SMYD3: variants seen among roughly 807,000 people sequenced by gnomAD.
The protein encoded by SMYD3 is histone-lysine N-methyltransferase SMYD3.
Under a neutral mutation model 57.7 loss-of-function variants are expected in SMYD3, and 36 were observed. The ratio of observed to expected loss-of-function variants is 0.62; its 90% CI spans 0.48 to 0.82. The LOEUF is 0.82. Ranked by LOEUF, SMYD3 falls within the 40% of genes least tolerant of loss-of-function variation. SMYD3 has a pLI of 0.00. For synonymous variants in SMYD3, 211 were observed against 195.0 expected (o/e 1.08, Z -0.68); for missense variants, 515 against 538.8 (o/e 0.96, Z 0.44).
At chr1:246,062,944 C>T (rs1232406191) in intron 5 of SMYD3, among the ~76,000 whole-genome samples, 1 of 152,184 alleles carries the variant, frequency 6.6e-6, no homozygotes, top group African/African-American at 2.4e-5. Context: ...GGAAAACTTA[C>T]AGCAGAATGC....
At chr1:245,963,805 T>A (rs998121769) in intron 5 of SMYD3, among the ~76,000 whole-genome samples, 1 of 152,106 alleles carries the variant, frequency 6.6e-6, no homozygotes, top group South Asian at 2.1e-4. Flanking sequence ...CCAACTCCAG[T>A]CCACTCTAGT....
chr1:245,995,120 C>T (rs940426019), intron 5 of SMYD3, among the ~76,000 whole-genome samples: 4 of 152,082 alleles, frequency 2.6e-5, no homozygotes, highest in Non-Finnish European at 1.5e-5. Context: ...ATCTAACCTT[C>T]GAAGAAATGG....
rs1289547131 is a variant in SMYD3, at chr1:246,335,421, T to C, written c.282A>G (p.Lys94=). 6.2e-7 allele frequency: 1 copy of C among 1,614,116 alleles called. No homozygotes were observed. The highest frequency in any genetic ancestry group is 1.1e-5 in the South Asian group (1 of 91,078). Residue 94 remains lysine (K), a synonymous_variant, in exon 3 of 12, where the codon AAA becomes AAG. Transcript: ENST00000490107. ...GAACGGAGTCTGGAGGATATCTGGG[T>C]TTGCAGCTTTTAAGGCATTTGCATT... The part of the protein sequence containing the change: ...KRECKCLKSC[K]PRYPPDSVRL...
At chr1:246,393,673 C>CT (rs1218228921) in intron 1 of SMYD3, among the ~76,000 whole-genome samples, 10 of 47,902 alleles carry the variant, frequency 2.1e-4, no homozygotes, top group African/African-American at 8.7e-4. Context: ...ACCCCCATCT[C>CT]TAAAAAAAAA....
intron 5 of SMYD3, among the ~76,000 whole-genome samples, chr1:246,204,168 C>A (rs981747111): frequency 4.6e-5 from 7 of 152,180 alleles, no homozygotes; most frequent in Non-Finnish European, 1.0e-4. Context: ...AAACTCCCCC[C>A]AAAAACTGTA....
intron 5 of SMYD3, among the ~76,000 whole-genome samples, chr1:246,164,436 A>G (rs1252355746): frequency 1.3e-5 from 2 of 152,106 alleles, no homozygotes; most frequent in African/African-American, 4.8e-5. Flanking sequence ...TAAATAAATA[A>G]ATAGATAAAT....
chr1:246,207,002 G>C (rs925694602), intron 5 of SMYD3, among the ~76,000 whole-genome samples: 1 of 152,138 alleles, frequency 6.6e-6, no homozygotes, highest in Non-Finnish European at 1.5e-5. Flanking sequence ...ACACAGTTGA[G>C]TTCCCTAAAC....
chr1:246,496,045 G>A (rs1394273727), intron 1 of SMYD3, among the ~76,000 whole-genome samples: 1 of 151,638 alleles, frequency 6.6e-6, no homozygotes, highest in African/African-American at 2.4e-5. Flanking sequence ...TGTTGTTGTT[G>A]TTATTGTTTT....
intron 5 of SMYD3, among the ~76,000 whole-genome samples, chr1:246,077,170 G>A (rs966822869): frequency 1.3e-5 from 2 of 152,174 alleles, no homozygotes; most frequent in Admixed American, 6.5e-5. Flanking sequence ...GTCTAATTAT[G>A]GTGGCTCTTG....
At chr1:245,844,730 G>A (rs1379819355) in intron 10 of SMYD3, among the ~76,000 whole-genome samples, 1 of 115,508 alleles carries the variant, frequency 8.7e-6, no homozygotes, top group Non-Finnish European at 1.8e-5. Flanking sequence ...TAGTTCGAAT[G>A]AAAGGCCAAG....
intron 5 of SMYD3, among the ~76,000 whole-genome samples, chr1:246,070,004 C>A (rs1172779845): frequency 6.6e-6 from 1 of 152,122 alleles, no homozygotes; most frequent in East Asian, 1.9e-4. Context: ...GAGGTGCTGG[C>A]CACTTCTTAG....
chr1:245,793,863 T>C (rs954600357), intron 10 of SMYD3, among the ~76,000 whole-genome samples: 3 of 152,182 alleles, frequency 2.0e-5, no homozygotes, highest in Non-Finnish European at 4.4e-5. Flanking sequence ...CCCTAAAGTC[T>C]ATATTGTTTG....
intron 5 of SMYD3, among the ~76,000 whole-genome samples, chr1:246,068,312 G>C (rs979939111): frequency 6.7e-6 from 1 of 149,352 alleles, no homozygotes; most frequent in East Asian, 2.0e-4. Flanking sequence ...GAACACCCAC[G>C]CAGCAAAAAG....
intron 1 of SMYD3, among the ~76,000 whole-genome samples, chr1:246,435,777 G>GAGAAGATACAAGAATTCCAAGAATTCCA (rs2067362514): frequency 6.6e-6 from 1 of 151,930 alleles, no homozygotes; most frequent in Admixed American, 6.6e-5. Context: ...GAATTCCAAG[G>GAGAAGATACAAGAATTCCAAGAATTCCA]AGAAGATACA....
chr1:246,356,735 C>G (rs1348636019), intron 1 of SMYD3, among the ~76,000 whole-genome samples: 1 of 152,032 alleles, frequency 6.6e-6, no homozygotes, highest in African/African-American at 2.4e-5. Flanking sequence ...CCCAATCCAT[C>G]AAAGACAAAG....
chr1:246,253,024 C>A (rs1444069617), intron 5 of SMYD3, among the ~76,000 whole-genome samples: 4 of 152,178 alleles, frequency 2.6e-5, no homozygotes, highest in Non-Finnish European at 4.4e-5. Context: ...TGTTATTTGA[C>A]ATTTCAATTT....
chr1:246,045,822 A>G (rs1043229158), intron 5 of SMYD3, among the ~76,000 whole-genome samples: 3 of 151,978 alleles, frequency 2.0e-5, no homozygotes, highest in Admixed American at 6.6e-5. Flanking sequence ...AAGGATATGA[A>G]CAGACACTTC....
chr1:245,838,700 G>A (rs1184348016), intron 10 of SMYD3, among the ~76,000 whole-genome samples: 2 of 152,162 alleles, frequency 1.3e-5, no homozygotes, highest in Non-Finnish European at 2.9e-5. Context: ...TAGTGTCATG[G>A]TGAATCTAAC....
chr1:246,319,873 C>CA (rs781382108), intron 5 of SMYD3, among the ~76,000 whole-genome samples: 7 of 152,096 alleles, frequency 4.6e-5, no homozygotes, highest in Non-Finnish European at 7.4e-5. Flanking sequence ...AAAGGATACA[C>CA]AAAAAAGTCA....
Sources: gnomAD v4.1 joint callset for allele counts (sites outside exome capture counted in the v4.1 genomes callset) on GRCh38, gnomAD v4.1.1 for gene constraint, MANE v1.5 for transcripts, NCBI Gene and HGNC (gene_info 2026-07-23, HGNC 2026-07-21) for gene names.